The following AK9 variants were observed in gnomAD, a reference collection of about 807,000 sequenced individuals.
AK9 encodes adenylate kinase 9.
AK9 carries 191 observed loss-of-function variants against 239.6 expected under a neutral mutation model. The observed-to-expected ratio is 0.80, with a 90% CI of 0.71 to 0.90. The LOEUF is 0.90. Among genes scored for constraint, AK9 ranks in the 40% least tolerant of loss-of-function variants. The pLI is 0.00. For missense variants in AK9, 1,995 were observed against 2,214.7 expected (o/e 0.90, Z 1.99); for synonymous variants, 689 against 721.0 (o/e 0.96, Z 0.71).
intron 19 of AK9, among the ~76,000 whole-genome samples, chr6:109,583,974 G>A (rs1583113942): frequency 6.6e-6 from 1 of 152,180 alleles, no homozygotes; most frequent in East Asian, 1.9e-4. Flanking sequence ...ATTGAGTATA[G>A]CTGATTGGAG....
intron 24 of AK9, among the ~76,000 whole-genome samples, chr6:109,559,237 G>A (rs548313751): frequency 5.3e-5 from 8 of 150,616 alleles, no homozygotes; most frequent in East Asian, 2.0e-4. Context: ...GCACGATCTC[G>A]GCTCACTGCA....
At chr6:109,673,924 A>C (rs1199323875) in intron 3 of AK9, among the ~76,000 whole-genome samples, 2 of 151,740 alleles carry the variant, frequency 1.3e-5, no homozygotes, top group Non-Finnish European at 2.9e-5. Flanking sequence ...GTTTGAGCCC[A>C]GGAGTTTGAA....
intron 3 of AK9, 104 bp from the exon 4 acceptor site, chr6:109,672,271 G>T: frequency 3.0e-6 from 3 of 1,008,858 alleles, no homozygotes; most frequent in South Asian, 1.5e-5. Context: ...TAACATTTGT[G>T]CATCACTTTA....
chr6:109,534,187 T>G (rs1582880203), intron 27 of AK9, among the ~76,000 whole-genome samples: 1 of 143,878 alleles, frequency 7.0e-6, no homozygotes. Context: ...GCCATTGCAC[T>G]CCAGCCTGGG....
intron 29 of AK9, 43 bp downstream of exon 29, chr6:109,528,968 C>CA: frequency 7.0e-6 from 11 of 1,576,054 alleles, no homozygotes; most frequent in Middle Eastern, 1.7e-4. Flanking sequence ...CCCTGGGCAA[C>CA]AGAGTGAGAC....
rs1249121010 is a variant in AK9 at position 109,644,616 on chromosome 6, T to A, written c.832A>T (p.Met278Leu). The A allele has an allele frequency of 1.2e-5, 19 of 1,610,448 alleles. No homozygotes were observed. The highest frequency in any genetic ancestry group is 1.6e-5 in the Non-Finnish European group (19 of 1,179,068). ...NGNKPAEELFMIVMDRLKYLN... is the reference protein window; with the variant it reads ...NGNKPAEELFLIVMDRLKYLN... ...TTCCTGCTTAACACTGCACTCACCA[T>A]AAAGAGCTCCTCTGCTGGTTTATTT... The change falls in exon 9 of 41, where the codon ATG becomes TTG. Residue 278 changes from methionine to leucine, a missense_variant and splice_region_variant. By Grantham distance (15) the Met-to-Leu change is conservative. Coordinates refer to ENST00000424296, the MANE Select transcript of AK9 (RefSeq NM_001145128.3).
At chr6:109,660,590 C>T (rs142366899) in intron 6 of AK9, among the ~76,000 whole-genome samples, 2 of 152,114 alleles carry the variant, frequency 1.3e-5, no homozygotes, top group African/African-American at 4.8e-5. Context: ...AGAATTTCAA[C>T]CTACACAGGT....
chr6:109,624,379 T>C (rs1207933372), intron 12 of AK9, among the ~76,000 whole-genome samples: 1 of 152,192 alleles, frequency 6.6e-6, no homozygotes, highest in African/African-American at 2.4e-5. Context: ...TTTGATGCAC[T>C]ACATCCTCTA....
In AK9 at chr6:109,588,312, G is replaced by A. The variant is rs189556325; in HGVS notation, c.1843-2240C>T. Among the ~76,000 whole-genome samples the A allele has an allele frequency of 4.5e-3, 678 of 152,132 alleles. 18 individuals carry two copies. The highest frequency in any genetic ancestry group is 0.037 in the Admixed American group (571 of 15,300). On this transcript the variant is annotated intron_variant, in intron 17 of 40. Transcript: ENST00000424296. ...TCTCGATCTCCTGACCTCGTGATCC[G>A]CCCGTCTCGGCCTCCCAAAGTGCTG...
chr6:109,611,903 A>AT (rs1302772442), intron 16 of AK9, 107 bp downstream of exon 16: 70 of 785,034 alleles, frequency 8.9e-5, no homozygotes, highest in South Asian at 4.0e-4. Context: ...TCATGCTTTT[A>AT]TTTTTTTTGA....
intron 19 of AK9, among the ~76,000 whole-genome samples, chr6:109,583,169 G>T (rs1359038284): frequency 1.3e-5 from 2 of 152,096 alleles, no homozygotes; most frequent in Admixed American, 6.6e-5. Flanking sequence ...AGCTATGCCT[G>T]TACCTCAGAT....
chr6:109,511,159 A>G (rs543988809), intron 32 of AK9, among the ~76,000 whole-genome samples: 1 of 137,972 alleles, frequency 7.2e-6, no homozygotes, highest in Non-Finnish European at 1.5e-5. Context: ...GTCATCTTTT[A>G]TGTACTCTTA....
At chr6:109,628,175 T>C (rs555093769) in intron 12 of AK9, among the ~76,000 whole-genome samples, 1 of 152,282 alleles carries the variant, frequency 6.6e-6, no homozygotes, top group East Asian at 1.9e-4. Context: ...GCCTCTCCTT[T>C]GCAACTGGGC....
chr6:109,509,452 A>G (rs921187022), intron 32 of AK9, 72 bp from the exon 33 acceptor site: 7 of 1,332,882 alleles, frequency 5.3e-6, no homozygotes, highest in African/African-American at 1.5e-5. Flanking sequence ...GTTTTGTTAC[A>G]TGGGTATATT....
intron 29 of AK9, among the ~76,000 whole-genome samples, chr6:109,523,051 G>A (rs1233747187): frequency 1.3e-5 from 2 of 151,974 alleles, no homozygotes; most frequent in African/African-American, 4.8e-5. Context: ...GTGACCTTAA[G>A]GAATTTTTCT....
chr6:109,562,164 T>C (rs980941721), intron 24 of AK9, among the ~76,000 whole-genome samples: 2 of 152,196 alleles, frequency 1.3e-5, no homozygotes, highest in East Asian at 3.8e-4. Context: ...TTCTGTATAA[T>C]AGGCTGCTTG....
At chr6:109,496,177 T>C (rs1777015649) in intron 38 of AK9, among the ~76,000 whole-genome samples, 1 of 152,230 alleles carries the variant, frequency 6.6e-6, no homozygotes, top group Non-Finnish European at 1.5e-5. Flanking sequence ...GAATCAGATG[T>C]GGATGTTTAG....
At chr6:109,611,420 C>T (rs1398816521) in intron 16 of AK9, among the ~76,000 whole-genome samples, 1 of 152,224 alleles carries the variant, frequency 6.6e-6, no homozygotes, top group Non-Finnish European at 1.5e-5. Context: ...TAATTGTCCA[C>T]CCAATATCCA....
At chr6:109,659,046 CAA>C (rs1160166709) in intron 7 of AK9, among the ~76,000 whole-genome samples, 180 bp downstream of exon 7, 1 of 152,108 alleles carries the variant, frequency 6.6e-6, no homozygotes, top group African/African-American at 2.4e-5. Context: ...AACTTGACCT[CAA>C]GATTATGATC....
Sources: allele counts gnomAD v4.1 joint callset (sites outside exome capture counted in the v4.1 genomes callset), GRCh38; gene constraint gnomAD v4.1.1; transcripts MANE v1.5; gene names NCBI Gene and HGNC (gene_info 2026-07-23, HGNC 2026-07-21).